The following CHRNA2 variants were observed in gnomAD, a reference collection of about 807,000 sequenced individuals.
CHRNA2 encodes the protein cholinergic receptor nicotinic alpha 2 subunit.
In CHRNA2, 40 loss-of-function variants were observed where a neutral mutation model predicts 45.5. The ratio of observed to expected loss-of-function variants is 0.88; its 90% CI spans 0.68 to 1.15. CHRNA2 has a LOEUF of 1.15. CHRNA2 is among the 50% of genes most tolerant of loss of function. The probability of loss-of-function intolerance (pLI) is 0.00; values close to 1 mark genes in which losing one functional copy is unlikely to be tolerated. For missense variants in CHRNA2, 655 were observed against 701.7 expected (o/e 0.93, Z 0.75); for synonymous variants, 301 against 296.7 (o/e 1.01, Z -0.15).
intron 6 of CHRNA2, among the ~76,000 whole-genome samples, chr8:27,462,450 G>A (rs1473191808): frequency 1.3e-5 from 2 of 152,230 alleles, no homozygotes; most frequent in East Asian, 3.9e-4. Context: ...TGCCATGGCA[G>A]GGGCGGGGGA....
chr8:27,467,594 A>G (rs1035478810), intron 4 of CHRNA2: 2 of 471,658 alleles, frequency 4.2e-6, no homozygotes, highest in Non-Finnish European at 7.7e-6. Flanking sequence ...TCCTGCCTCT[A>G]GTCCTCGCTC....
rs1812861884 is a variant in CHRNA2 at position 27,470,976 on chromosome 8, A to C, written c.73+10T>G. 2 of 1,613,230 alleles carry C rather than the reference A, an allele frequency of 1.2e-6. No individual in the cohort carries two copies. The highest frequency in any genetic ancestry group is 1.7e-6 in the Non-Finnish European group (2 of 1,179,280). On this transcript the variant is annotated intron_variant, in intron 2 of 6. Transcript: ENST00000407991. ...ATGAAGTCTTACAATGACAGGTGACAAACACTCACCTGCTGGGGTCAGAAG... is the reference window on the plus strand; with the variant it reads ...ATGAAGTCTTACAATGACAGGTGACCAACACTCACCTGCTGGGGTCAGAAG...
intron 2 of CHRNA2, 147 bp from the exon 3 acceptor site, chr8:27,470,128 C>A: frequency 1.2e-6 from 1 of 812,520 alleles, no homozygotes. Context: ...CATGAGCAGG[C>A]TGCGGGGTCG....
intron 1 of CHRNA2, 61 bp from the exon 2 acceptor site, chr8:27,471,255 T>C (rs1812875163): frequency 3.5e-6 from 2 of 575,784 alleles, no homozygotes; most frequent in Non-Finnish European, 6.3e-6. Context: ...CATATTTCTG[T>C]TTCTCATGCT....
At chr8:27,473,530 C>G (rs564299577) in intron 1 of CHRNA2, among the ~76,000 whole-genome samples, 5 of 120,762 alleles carry the variant, frequency 4.1e-5, no homozygotes, top group East Asian at 2.9e-4. Context: ...TGAGACCCCC[C>G]CCGCCGTCTC....
chr8:27,475,666 C>G (rs567080247), intron 1 of CHRNA2, among the ~76,000 whole-genome samples: 108 of 152,090 alleles, frequency 7.1e-4, no homozygotes, highest in African/African-American at 2.6e-3. Context: ...ACACGATGAA[C>G]TATATACAGT....
Position 27,463,111 on chromosome 8 carries a change from A to T in CHRNA2, c.1332T>A (p.Ser444=), listed in dbSNP as rs377524925. The T allele has an allele frequency of 6.2e-7, 1 of 1,610,472 alleles. No individual in the cohort carries two copies. The highest frequency in any genetic ancestry group is 1.3e-5 in the African/African-American group (1 of 74,892). ...CCTCAGCCTTGGGACCTGAGGCCCC[A>T]GAGTGCAGGTGGCCGTGGCTGCAGA... ...GTLCSHGHLH[S]GASGPKAEAL... Residue 444 remains serine (S), a synonymous_variant, in exon 6 of 7, where the codon TCT becomes TCA. Coordinates refer to ENST00000407991, the MANE Select transcript of CHRNA2 (RefSeq NM_000742.4). This position sits in a 1 kb window ranked among gnomAD's most constrained non-coding sequence, Gnocchi z 6.1.
intron 1 of CHRNA2, among the ~76,000 whole-genome samples, chr8:27,474,611 G>C (rs951284984): frequency 2.0e-5 from 3 of 152,214 alleles, no homozygotes; most frequent in Admixed American, 6.5e-5. Context: ...GTGCCTCCAG[G>C]GGGAGAAGCA....
Position 27,470,966 on chromosome 8 carries a change from G to A in CHRNA2, c.73+20C>T. ...CAGGCATGAGATGAAGTCTTACAATGACAGGTGACAAACACTCACCTGCTG... is the reference window on the plus strand; with the variant it reads ...CAGGCATGAGATGAAGTCTTACAATAACAGGTGACAAACACTCACCTGCTG... On this transcript the variant is annotated intron_variant, in intron 2 of 6. Coordinates refer to ENST00000407991, the MANE Select transcript of CHRNA2 (RefSeq NM_000742.4). 1.9e-6 allele frequency: 3 copies of A among 1,611,316 alleles called. No individual in the cohort carries two copies. The highest frequency in any genetic ancestry group is 1.1e-5 in the South Asian group (1 of 90,942).
In CHRNA2 at chr8:27,471,017, G is replaced by T; in HGVS notation, c.42C>A (p.Leu14=). 6.2e-7 allele frequency: 1 copy of T among 1,614,150 alleles called. No individual in the cohort carries two copies. Among genetic ancestry groups the T allele is most frequent in the Non-Finnish European group, 8.5e-7 (1 of 1,180,000 alleles). The change falls in exon 2 of 7, where the codon CTC becomes CTA. Residue 14 remains leucine, a synonymous_variant. Transcript: ENST00000407991. ...GGGTCAGAAGGAGCCACCACAGGCTGAGCTTTGTGAAGGACAGGAACACAG... is the reference window on the plus strand; with the variant it reads ...GGGTCAGAAGGAGCCACCACAGGCTTAGCTTTGTGAAGGACAGGAACACAG... The part of the protein sequence containing the change: ...SCPVFLSFTK[L]SLWWLLLTPA...
At position 27,461,428 on chromosome 8, in the gene CHRNA2, CAG is replaced by C. The variant is rs1812481752; in HGVS notation, c.*199_*200del. On this transcript the variant is annotated 3_prime_UTR_variant, in exon 7 of 7. Transcript: ENST00000407991. The stretch of plus-strand genomic sequence containing the variant: ...TTCCCCAGCTCCTCCGTATCCAAAA[CAG>C]GGCTTTGCACCCAGCAGGCTGTCAG... 2 of 703,212 alleles carry C rather than the reference CAG, an allele frequency of 2.8e-6. No individual in the cohort carries two copies. The highest frequency in any genetic ancestry group is 4.6e-6 in the Non-Finnish European group (2 of 433,060). The allele number at this position is 703,212 out of a possible 1,614,324, so 43.6% of individuals were successfully genotyped here.
rs2472554 is a variant in CHRNA2 at position 27,470,837 on chromosome 8, G to C, written c.73+149C>G. The C allele has an allele frequency of 0.73, 548,245 of 747,200 alleles. 204,221 individuals are homozygous for C. Among genetic ancestry groups the C allele is most frequent in the African/African-American group, 0.94 (54,445 of 57,768 alleles). The allele number at this position is 747,200 out of a possible 1,614,324, so 46.3% of individuals were successfully genotyped here. A position where few individuals can be genotyped will look rare whatever the true frequency, so the allele number is the denominator to read the frequency against. ...GAGCTGTGACTGCCCCTCCACCTCTGCCAGTGGAAACAGCCACCTGGCTGA... is the reference window on the plus strand; with the variant it reads ...GAGCTGTGACTGCCCCTCCACCTCTCCCAGTGGAAACAGCCACCTGGCTGA... On this transcript the variant is annotated intron_variant, in intron 2 of 6. Coordinates refer to ENST00000407991, the MANE Select transcript of CHRNA2 (RefSeq NM_000742.4).
Position 27,463,343 on chromosome 8 carries a change from C to G in CHRNA2, c.1100G>C (p.Arg367Pro), listed in dbSNP as rs149464248. 1.2e-6 allele frequency: 2 copies of G among 1,613,832 alleles called. No individual in the cohort carries two copies. The highest frequency in any genetic ancestry group is 8.5e-7 in the Non-Finnish European group (1 of 1,179,976). Residue 367 changes from arginine (R) to proline (P), a missense_variant, in exon 6 of 7, where the codon CGG becomes CCG. Physicochemically the swap from Arg to Pro is moderately radical, Grantham distance 103. Coordinates refer to ENST00000407991, the MANE Select transcript of CHRNA2 (RefSeq NM_000742.4). The surrounding 1 kb of genome is among the most constrained non-coding windows in gnomAD (Gnocchi z 6.1). Reference sequence around the variant, plus strand: ...GGGCACACAGCCCAGAAGGGCCCCCCGCACCCAGTGGGGCATGGTGTGGGT... The same window carrying G: ...GGGCACACAGCCCAGAAGGGCCCCCGGCACCCAGTGGGGCATGGTGTGGGT... ...PSTHTMPHWV[R>P]GALLGCVPRW...
At chr8:27,473,097 AC>A (rs1812941476) in intron 1 of CHRNA2, among the ~76,000 whole-genome samples, 1 of 152,156 alleles carries the variant, frequency 6.6e-6, no homozygotes, top group Non-Finnish European at 1.5e-5. Flanking sequence ...CACTAAAATA[AC>A]ATTATTGCCT....
At chr8:27,470,314 G>A (rs140648500) in intron 2 of CHRNA2, among the ~76,000 whole-genome samples, 101 of 152,270 alleles carry the variant, frequency 6.6e-4, no homozygotes, top group Admixed American at 1.6e-3. Flanking sequence ...GAGACGCCTG[G>A]TCTACGTGGC....
rs77656920 is a variant in CHRNA2, at chr8:27,473,862, A to G, written c.-136-2668T>C. On this transcript the variant is annotated intron_variant, in intron 1 of 6. Coordinates refer to ENST00000407991, the MANE Select transcript of CHRNA2 (RefSeq NM_000742.4). ...GTGTTTCCAGCATCACTAATCCTCC[A>G]TCTCTCCCAGGGTCGGTTGCACCGG... Among the ~76,000 whole-genome samples, 1,015 of 152,112 alleles carry G rather than the reference A, an allele frequency of 6.7e-3. 50 individuals carry two copies. Among genetic ancestry groups the G allele is most frequent in the Admixed American group, 0.054 (822 of 15,284 alleles).
chr8:27,470,132 G>C lies in CHRNA2; in HGVS notation c.74-151C>G, dbSNP rs574413750. On this transcript the variant is annotated intron_variant, in intron 2 of 6. Coordinates refer to ENST00000407991, the MANE Select transcript of CHRNA2 (RefSeq NM_000742.4). ...GCTGAGCACAGCATGAGCAGGCTGCGGGGTCGGAGCTCAGGAAAGGTCAGC... is the reference window on the plus strand; with the variant it reads ...GCTGAGCACAGCATGAGCAGGCTGCCGGGTCGGAGCTCAGGAAAGGTCAGC... 3 of 786,288 alleles carry C rather than the reference G, an allele frequency of 3.8e-6. No individual in the cohort carries two copies. In the South Asian group the frequency reaches 4.5e-5, roughly 12 times the overall value. The allele number at this position is 786,288 out of a possible 1,614,324, so 48.7% of individuals were successfully genotyped here. A position where few individuals can be genotyped will look rare whatever the true frequency, so the allele number is the denominator to read the frequency against.
At chr8:27,468,300 G>A (rs796879430) in intron 4 of CHRNA2, among the ~76,000 whole-genome samples, 49 of 152,250 alleles carry the variant, frequency 3.2e-4, no homozygotes, top group African/African-American at 1.0e-3. Context: ...CACATACACC[G>A]CATGACTGGG....
At chr8:27,468,701 C>T (rs1812775386) in intron 4 of CHRNA2, among the ~76,000 whole-genome samples, 1 of 152,298 alleles carries the variant, frequency 6.6e-6, no homozygotes, top group East Asian at 1.9e-4. Context: ...TGCTAAGGGA[C>T]AGATGTGTGA....
Sources: allele counts gnomAD v4.1 joint callset (sites outside exome capture counted in the v4.1 genomes callset), GRCh38; gene constraint gnomAD v4.1.1; non-coding constraint Gnocchi (gnomAD v3.1); transcripts MANE v1.5; gene names NCBI Gene and HGNC (gene_info 2026-07-23, HGNC 2026-07-21).